IL1R2: variants seen among roughly 807,000 people sequenced by gnomAD.
IL1R2 encodes interleukin 1 receptor type 2.
Under a neutral mutation model 39.5 loss-of-function variants are expected in IL1R2, and 46 were observed. The observed-to-expected ratio is 1.16, with a 90% CI of 0.92 to 1.49. The LOEUF (loss-of-function observed/expected upper bound fraction) is 1.49, where lower values mean the gene tolerates loss of function less well. Ranked by LOEUF, IL1R2 falls within the 40% of genes most tolerant of loss-of-function variation. The probability of loss-of-function intolerance (pLI) is 0.00; values close to 1 mark genes in which losing one functional copy is unlikely to be tolerated. For synonymous variants in IL1R2, 207 were observed against 189.6 expected (o/e 1.09, Z -0.75); for missense variants, 537 against 502.0 (o/e 1.07, Z -0.67).
chr2:102,008,734 A>G lies in IL1R2; in HGVS notation c.67+92A>G, dbSNP rs899314277. On this transcript the variant is annotated intron_variant, in intron 2 of 8. Coordinates refer to ENST00000332549, the MANE Select transcript of IL1R2 (RefSeq NM_004633.4). ...AGAGAAGTTTCCTTGTCAGAAAGCAAAGTGTGGGCCGAGCTCGGTGGCTGC... is the reference window on the plus strand; with the variant it reads ...AGAGAAGTTTCCTTGTCAGAAAGCAGAGTGTGGGCCGAGCTCGGTGGCTGC... The G allele has an allele frequency of 6.2e-6, 7 of 1,134,704 alleles. No homozygotes were observed. The South Asian group carries it at 8.6e-5, about 14-fold the overall frequency. The allele number at this position is 1,134,704 out of a possible 1,614,324, so 70.3% of individuals were successfully genotyped here.
In IL1R2 at chr2:102,009,704, T is replaced by C; in HGVS notation, c.210T>C (p.His70=). ...GCCCCCGCATCAACCTGACATGGCA[T>C]AAAAATGACTCTGCTAGGACGGTCC... ...SVSPRINLTW[H]KNDSARTVPG... The change falls in exon 3 of 9, where the codon CAT becomes CAC. Residue 70 remains histidine (H), a synonymous_variant. Transcript: ENST00000332549. 6.2e-7 allele frequency: 1 copy of C among 1,614,122 alleles called. No homozygotes were observed. Among genetic ancestry groups the C allele is most frequent in the Non-Finnish European group, 8.5e-7 (1 of 1,180,014 alleles).
rs1677626883 is a variant in IL1R2 at position 102,024,680 on chromosome 2, A to G, written c.887+12A>G. ...GAGGGGCCACGCCAGTAAGTGGGCCAGGGTCTTCTGTTGAGAACTCTGTGG... is the reference window on the plus strand; with the variant it reads ...GAGGGGCCACGCCAGTAAGTGGGCCGGGGTCTTCTGTTGAGAACTCTGTGG... On this transcript the variant is annotated intron_variant, in intron 7 of 8. Transcript: ENST00000332549. 1 of 1,614,042 alleles carries G rather than the reference A, an allele frequency of 6.2e-7. No homozygotes were observed. The highest frequency in any genetic ancestry group is 1.7e-5 in the Admixed American group (1 of 60,004).
intron 4 of IL1R2, among the ~76,000 whole-genome samples, chr2:102,017,398 G>GAAAAAAAAAAAAAAAA (rs56358561): frequency 1.8e-5 from 2 of 113,364 alleles, no homozygotes; most frequent in Non-Finnish European, 1.8e-5. Flanking sequence ...CTCCATCTCA[G>GAAAAAAAAAAAAAAAA]AAAAAAAAAA....
intron 5 of IL1R2, chr2:102,021,947 G>C: frequency 4.0e-6 from 2 of 506,136 alleles, no homozygotes; most frequent in East Asian, 7.1e-5. Context: ...AAGACCTCCT[G>C]TCAGCGGAAT....
intron 3 of IL1R2, among the ~76,000 whole-genome samples, chr2:102,013,996 T>G (rs550541262): frequency 1.4e-4 from 21 of 152,298 alleles, no homozygotes; most frequent in African/African-American, 5.1e-4. Context: ...GGTGCCACAC[T>G]ACATGGGGAG....
chr2:102,022,468 A>G (rs955032269), intron 6 of IL1R2, among the ~76,000 whole-genome samples: 1 of 152,206 alleles, frequency 6.6e-6, no homozygotes, highest in African/African-American at 2.4e-5. Context: ...TAATCTGAAA[A>G]CAGGTATACT....
rs2230400 is a variant in IL1R2, at chr2:102,009,686, C to A, written c.192C>A (p.Arg64=). ...PYWLWASVSP[R]INLTWHKNDS... ...GGTTGTGGGCCTCTGTCAGCCCCCG[C>A]ATCAACCTGACATGGCATAAAAATG... Residue 64 remains arginine, a synonymous_variant, in exon 3 of 9, where the codon CGC becomes CGA. Coordinates refer to ENST00000332549, the MANE Select transcript of IL1R2 (RefSeq NM_004633.4). 0.017 allele frequency: 28,043 copies of A among 1,614,144 alleles called. 597 individuals are homozygous for A. Among genetic ancestry groups the A allele is most frequent in the African/African-American group, 0.1 (7,669 of 75,016 alleles).
chr2:102,021,127 T>A (rs950696740), intron 5 of IL1R2, among the ~76,000 whole-genome samples: 2 of 152,086 alleles, frequency 1.3e-5, no homozygotes. Context: ...CGAAAAGCCG[T>A]CTGCCCCTCA....
intron 7 of IL1R2, chr2:102,024,924 A>G (rs1381558729): frequency 2.3e-6 from 1 of 439,630 alleles, no homozygotes. Context: ...TTCATTAAAC[A>G]TTGATCCTTT....
At chr2:102,003,810 G>GT (rs1553613723) in intron 1 of IL1R2, among the ~76,000 whole-genome samples, 52 of 115,694 alleles carry the variant, frequency 4.5e-4, no homozygotes, top group Non-Finnish European at 6.3e-4. Context: ...CTGTGGCTGT[G>GT]CTGTGTCTGT....
chr2:102,013,554 G>GAAAAAAAAAAAAAAA (rs1577711343), intron 3 of IL1R2, among the ~76,000 whole-genome samples: 13 of 31,672 alleles, frequency 4.1e-4, no homozygotes, highest in South Asian at 1.1e-3. Context: ...AAAAAAAAAG[G>GAAAAAAAAAAAAAAA]AAAGAAAGAA....
At chr2:102,020,197 A>G (rs893782008) in intron 5 of IL1R2, among the ~76,000 whole-genome samples, 19 of 152,200 alleles carry the variant, frequency 1.2e-4, no homozygotes, top group African/African-American at 4.6e-4. Context: ...GGATACTTCA[A>G]TTTTATTGGG....
rs574053523 is a variant in IL1R2 at position 101,997,239 on chromosome 2, A to T, written c.-62+5228A>T. On this transcript the variant is annotated intron_variant, in intron 1 of 8. Coordinates refer to ENST00000332549, the MANE Select transcript of IL1R2 (RefSeq NM_004633.4). ...GTCTGGTGCCTCAGTTGTCAGAGCC[A>T]GTGCTCCATCCGAGGTCACCCCGCT... is the stretch of plus-strand genomic sequence containing the variant. Among the ~76,000 whole-genome samples the T allele has an allele frequency of 2.0e-5, 3 of 152,306 alleles. No individual in the cohort carries two copies. In the South Asian group the frequency reaches 6.2e-4, roughly 32 times the overall value.
intron 3 of IL1R2, among the ~76,000 whole-genome samples, chr2:102,012,973 G>A (rs1676731462): frequency 1.3e-5 from 2 of 152,164 alleles, no homozygotes; most frequent in South Asian, 2.1e-4. Flanking sequence ...TGTTGAGAGG[G>A]TTATGTGAGA....
At chr2:102,015,749 CT>C in intron 3 of IL1R2, 121 bp from the exon 4 acceptor site, 2 of 757,842 alleles carry the variant, frequency 2.6e-6, no homozygotes, top group Middle Eastern at 3.7e-4. Flanking sequence ...GGGAAACCAT[CT>C]GTACTAATCC....
At chr2:102,001,704 A>G (rs1413624882) in intron 1 of IL1R2, among the ~76,000 whole-genome samples, 1 of 152,204 alleles carries the variant, frequency 6.6e-6, no homozygotes, top group Non-Finnish European at 1.5e-5. Flanking sequence ...TTCCCTCTTA[A>G]AATTCTGTTA....
intron 1 of IL1R2, chr2:102,001,961 G>C (rs913676347): frequency 2.6e-5 from 4 of 152,102 alleles, no homozygotes; most frequent in Non-Finnish European, 5.9e-5. Flanking sequence ...CCGTGTTTTT[G>C]TTCTTTGAAT....
intron 1 of IL1R2, chr2:101,999,201 C>T (rs1299687948): frequency 6.6e-6 from 1 of 152,334 alleles, no homozygotes; most frequent in Middle Eastern, 3.2e-3. Context: ...CTTGTTTCTT[C>T]TGTCTTTGTC....
chr2:101,997,779 G>C (rs1185307692), intron 1 of IL1R2, among the ~76,000 whole-genome samples: 1 of 152,160 alleles, frequency 6.6e-6, no homozygotes, highest in East Asian at 1.9e-4. Context: ...ATGCAACTTG[G>C]AAGCAGAGCA....
Sources: allele counts gnomAD v4.1 joint callset (sites outside exome capture counted in the v4.1 genomes callset), GRCh38; gene constraint gnomAD v4.1.1; transcripts MANE v1.5; gene names NCBI Gene and HGNC (gene_info 2026-07-23, HGNC 2026-07-21).